The following HLCS variants were observed in gnomAD, a reference collection of about 807,000 sequenced individuals.
The protein encoded by HLCS is holocarboxylase synthetase.
In HLCS, 53 loss-of-function variants were observed where a neutral mutation model predicts 75.0. The ratio of observed to expected loss-of-function variants is 0.71; its 90% CI spans 0.57 to 0.89. HLCS has a LOEUF of 0.89. HLCS is among the 40% of genes least tolerant of loss of function. The pLI, the probability that HLCS is intolerant of heterozygous loss-of-function variation, is 0.00. For synonymous variants in HLCS, 431 were observed against 428.6 expected, an observed-to-expected ratio of 1.01 and a Z score of -0.07; for missense variants, 966 against 1,074.0, an observed-to-expected ratio of 0.90 and a Z score of 1.41.
At chr21:36,892,936 T>C (rs562024553) in intron 6 of HLCS, among the ~76,000 whole-genome samples, 8 of 152,284 alleles carry the variant, frequency 5.3e-5, no homozygotes, top group African/African-American at 1.9e-4. Flanking sequence ...AAATTCTTCT[T>C]GTTCTATCCA....
intron 4 of HLCS, among the ~76,000 whole-genome samples, chr21:36,931,556 C>T (rs1015424173): frequency 2.6e-5 from 4 of 151,912 alleles, no homozygotes; most frequent in African/African-American, 9.7e-5. Context: ...TTCAGACCAG[C>T]CTGGACAACA....
In HLCS at chr21:36,936,925, C is replaced by T. The variant is rs752800572; in HGVS notation, c.961G>A (p.Glu321Lys). The T allele has an allele frequency of 1.2e-6, 2 of 1,614,184 alleles. No individual in the cohort carries two copies. The highest frequency in any genetic ancestry group is 1.7e-6 in the Non-Finnish European group (2 of 1,180,032). The change falls in exon 4 of 11, where the codon GAA becomes AAA. Residue 321 changes from glutamate to lysine, a missense_variant. Transcript: ENST00000674895. Reference sequence around the variant, plus strand: ...ACCTCGTGGAACCGGCCGAGGGCTTCCTGGGAGTCGGAGCCCACATAGAGG... The same window carrying T: ...ACCTCGTGGAACCGGCCGAGGGCTTTCTGGGAGTCGGAGCCCACATAGAGG... ...ILLYVGSDSQEALGRFHEVRS... is the reference protein window; with the variant it reads ...ILLYVGSDSQKALGRFHEVRS...
In HLCS at chr21:36,765,160, T is replaced by C. The variant is rs763338646; in HGVS notation, c.1973A>G (p.Asn658Ser). 3.1e-6 allele frequency: 5 copies of C among 1,613,964 alleles called. No individual in the cohort carries two copies. The highest frequency in any genetic ancestry group is 4.2e-6 in the Non-Finnish European group (5 of 1,179,966). ...ACATCCCACAGGGCTCAGCCACACA[T>C]TCCCTCCCCGTCCTGGAACACAGGC... ...RQTEGKGRGG[N>S]VWLSPVGCAL... Residue 658 changes from asparagine (N) to serine (S), a missense_variant, in exon 8 of 11, where the codon AAT becomes AGT. Asn to Ser is a conservative substitution (Grantham distance 46). Transcript: ENST00000674895.
At chr21:36,884,512 A>G (rs1207552250) in intron 6 of HLCS, among the ~76,000 whole-genome samples, 1 of 152,202 alleles carries the variant, frequency 6.6e-6, no homozygotes, top group Non-Finnish European at 1.5e-5. Context: ...TAACTCCTTT[A>G]CAATCTAAAG....
chr21:36,933,764 G>A (rs2066755054), intron 4 of HLCS, among the ~76,000 whole-genome samples: 1 of 152,208 alleles, frequency 6.6e-6, no homozygotes, highest in Non-Finnish European at 1.5e-5. Flanking sequence ...TCCCACTAGA[G>A]CCGAAGGGAT....
At chr21:36,763,709 A>G (rs1413026435) in intron 8 of HLCS, among the ~76,000 whole-genome samples, 2 of 152,148 alleles carry the variant, frequency 1.3e-5, no homozygotes, top group African/African-American at 4.8e-5. Context: ...GGAGGCAGGA[A>G]TCTCCTATTT....
rs534725710 is a variant in HLCS, at chr21:36,865,478, T to A, written c.1892+31382A>T. 4.6e-5 allele frequency among the ~76,000 whole-genome samples: 7 copies of A among 152,280 alleles called. No homozygotes were observed. The East Asian group carries it at 5.8e-4, about 13-fold the overall frequency. Reference sequence around the variant, plus strand: ...TTCAGAAAAACAGAGAAAAGCTCTATAAATTAGAACTCTGTGGCTTGCCCC... The same window carrying A: ...TTCAGAAAAACAGAGAAAAGCTCTAAAAATTAGAACTCTGTGGCTTGCCCC... On this transcript the variant is annotated intron_variant, in intron 6 of 10. Coordinates refer to ENST00000674895, the MANE Select transcript of HLCS (RefSeq NM_001352514.2).
intron 5 of HLCS, among the ~76,000 whole-genome samples, chr21:36,907,639 G>A (rs1239872792): frequency 3.9e-5 from 6 of 151,914 alleles, no homozygotes; most frequent in Admixed American, 1.3e-4. Context: ...GCGACAGAGC[G>A]AGACTCCATC....
intron 6 of HLCS, among the ~76,000 whole-genome samples, chr21:36,790,024 G>C (rs531298573): frequency 8.7e-4 from 132 of 152,284 alleles, no homozygotes; most frequent in Non-Finnish European, 1.6e-3. Context: ...TCAAGAGGTT[G>C]CTCTAATGTA....
At chr21:36,791,469 A>T (rs1471241687) in intron 6 of HLCS, among the ~76,000 whole-genome samples, 1 of 152,228 alleles carries the variant, frequency 6.6e-6, no homozygotes, top group Non-Finnish European at 1.5e-5. Flanking sequence ...ACATAAAAAG[A>T]GCCCTTTTGT....
At position 36,929,724 on chromosome 21, in the gene HLCS, C is replaced by T. The variant is rs114551893; in HGVS notation, c.1620+527G>A. ...AAGAACCTACACCTGGAGAATCTGG[C>T]GACCTGCCCAAAACCAGGTATCAAT... On this transcript the variant is annotated intron_variant, in intron 5 of 10. Coordinates refer to ENST00000674895, the MANE Select transcript of HLCS (RefSeq NM_001352514.2). Among the ~76,000 whole-genome samples the T allele has an allele frequency of 4.9e-3, 742 of 152,300 alleles. 6 individuals carry two copies. Among genetic ancestry groups the T allele is most frequent in the African/African-American group, 0.016 (678 of 41,566 alleles).
At chr21:36,830,746 C>T (rs889601485) in intron 6 of HLCS, among the ~76,000 whole-genome samples, 3 of 150,790 alleles carry the variant, frequency 2.0e-5, no homozygotes, top group African/African-American at 7.3e-5. Flanking sequence ...GGACAAGCCC[C>T]TGGAAGTTGA....
At chr21:36,846,321 T>C (rs2062797353) in intron 6 of HLCS, among the ~76,000 whole-genome samples, 1 of 152,164 alleles carries the variant, frequency 6.6e-6, no homozygotes, top group South Asian at 2.1e-4. Context: ...ACTCAATAAA[T>C]GTTGGTTTCC....
In HLCS at chr21:36,938,815, T is replaced by A; in HGVS notation, c.493+17A>T. 1 of 1,613,700 alleles carries A rather than the reference T, an allele frequency of 6.2e-7. No individual in the cohort carries two copies. The highest frequency in any genetic ancestry group is 8.5e-7 in the Non-Finnish European group (1 of 1,179,880). Reference sequence around the variant, plus strand: ...CACTATGCCTGGCCAATAAAAACATTTTCTAAAGTTACTTACACACAATCT... The same window carrying A: ...CACTATGCCTGGCCAATAAAAACATATTCTAAAGTTACTTACACACAATCT... On this transcript the variant is annotated intron_variant, in intron 3 of 10. Coordinates refer to ENST00000674895, the MANE Select transcript of HLCS (RefSeq NM_001352514.2).
chr21:36,914,936 G>A (rs1411925287), intron 5 of HLCS, among the ~76,000 whole-genome samples: 1 of 152,262 alleles, frequency 6.6e-6, no homozygotes, highest in Non-Finnish European at 1.5e-5. Flanking sequence ...GGGGTGGAGG[G>A]CATGGAAAAC....
intron 6 of HLCS, among the ~76,000 whole-genome samples, chr21:36,774,006 G>T (rs1256374352): frequency 2.0e-5 from 3 of 151,942 alleles, no homozygotes; most frequent in Non-Finnish European, 4.4e-5. Flanking sequence ...TTTTTTTTAA[G>T]CTACTTTCTA....
chr21:36,863,808 CA>C (rs2063463913), intron 6 of HLCS, among the ~76,000 whole-genome samples: 1 of 149,018 alleles, frequency 6.7e-6, no homozygotes, highest in Non-Finnish European at 1.5e-5. Context: ...CCACTCACCA[CA>C]AGGTTAAGAA....
chr21:36,789,291 T>C (rs74657780), intron 6 of HLCS, among the ~76,000 whole-genome samples: 7,188 of 152,264 alleles, frequency 0.047, 318 homozygotes, highest in African/African-American at 0.12. Flanking sequence ...TCTTAAACAG[T>C]ACATACCACC....
chr21:36,985,720 C>T (rs997613316), intron 1 of HLCS, among the ~76,000 whole-genome samples: 1 of 151,304 alleles, frequency 6.6e-6, no homozygotes, highest in Admixed American at 6.6e-5. Context: ...GAGCCAAGAT[C>T]GGGCCACTGC....
Sources: gnomAD v4.1 joint callset for allele counts (sites outside exome capture counted in the v4.1 genomes callset) on GRCh38, gnomAD v4.1.1 for gene constraint, MANE v1.5 for transcripts, NCBI Gene and HGNC (gene_info 2026-07-23, HGNC 2026-07-21) for gene names.